Variants in SDK1 observed in about 807,000 individuals in gnomAD.
SDK1 encodes the protein protein sidekick-1.
A neutral mutation model predicts 245.5 loss-of-function variants in SDK1; 157 were observed. The ratio of observed to expected loss-of-function variants is 0.64; its 90% confidence interval spans 0.56 to 0.73. The LOEUF (loss-of-function observed/expected upper bound fraction) is 0.73. Among genes scored for constraint, SDK1 ranks in the 30% least tolerant of loss-of-function variants. The pLI, the probability that SDK1 is intolerant of heterozygous loss-of-function variation, is 0.00. For missense variants in SDK1, 3,583 were observed against 3,002.3 expected (o/e 1.19, Z -4.52); for synonymous variants, 1,647 against 1,278.5 (o/e 1.29, Z -6.15).
intron 1 of SDK1, among the ~76,000 whole-genome samples, chr7:3,332,261 G>A (rs1427091579): frequency 6.6e-6 from 1 of 152,100 alleles, no homozygotes; most frequent in Non-Finnish European, 1.5e-5. Context: ...GATGATTAAT[G>A]TACAGGGCGT....
intron 1 of SDK1, among the ~76,000 whole-genome samples, chr7:3,458,576 G>T (rs1780739054): frequency 6.6e-6 from 1 of 150,438 alleles, no homozygotes; most frequent in African/African-American, 2.5e-5. Flanking sequence ...TAACAGTTGT[G>T]GCAAGAAACA....
At chr7:4,144,594 G>GCA (rs1779826027) in intron 28 of SDK1, among the ~76,000 whole-genome samples, 1 of 152,120 alleles carries the variant, frequency 6.6e-6, no homozygotes, top group Admixed American at 6.5e-5. Context: ...GTGACAAGGC[G>GCA]CAGGAGCTGG....
chr7:4,073,620 C>T (rs1334630760), intron 20 of SDK1, among the ~76,000 whole-genome samples: 1 of 152,162 alleles, frequency 6.6e-6, no homozygotes, highest in Non-Finnish European at 1.5e-5. Flanking sequence ...CTGCTCTTCC[C>T]ATAGGTTCAG....
chr7:4,216,278 C>T (rs1219375326), intron 38 of SDK1, among the ~76,000 whole-genome samples: 1 of 152,186 alleles, frequency 6.6e-6, no homozygotes, highest in Non-Finnish European at 1.5e-5. Flanking sequence ...AAAGCAGCTT[C>T]GTGCACCCCG....
chr7:3,686,070 A>G (rs1784272739), intron 4 of SDK1, among the ~76,000 whole-genome samples: 1 of 96,842 alleles, frequency 1.0e-5, no homozygotes, highest in East Asian at 2.3e-4. Flanking sequence ...ATATGAGGCA[A>G]ACTTTTTTTT....
intron 30 of SDK1, among the ~76,000 whole-genome samples, chr7:4,151,978 A>G (rs908031717): frequency 1.3e-5 from 2 of 152,178 alleles, no homozygotes; most frequent in African/African-American, 4.8e-5. Flanking sequence ...GTGTGTGTGC[A>G]TCTGAACACC....
At position 3,678,515 on chromosome 7, in the gene SDK1, A is replaced by G. The variant is rs547333220; in HGVS notation, c.713+36410A>G. On this transcript the variant is annotated intron_variant, in intron 4 of 44. Coordinates refer to ENST00000404826, the MANE Select transcript of SDK1 (RefSeq NM_152744.4). ...CTAATCATTCACTATGCTAAGTGAA[A>G]CAAGCCAGACATAAAAGAACACCCA... 3.3e-5 allele frequency among the ~76,000 whole-genome samples: 5 copies of G among 152,346 alleles called. No homozygotes were observed. The South Asian group carries it at 1.0e-3, about 32-fold the overall frequency.
At chr7:4,012,378 G>A (rs934867550) in intron 16 of SDK1, 143 bp downstream of exon 16, 2 of 886,160 alleles carry the variant, frequency 2.3e-6, no homozygotes, top group African/African-American at 1.7e-5. Context: ...GGGAGTGGTG[G>A]AGACTGTGGC....
chr7:4,072,284 G>A (rs1218819630), intron 20 of SDK1, among the ~76,000 whole-genome samples: 2 of 152,316 alleles, frequency 1.3e-5, no homozygotes, highest in East Asian at 3.9e-4. Flanking sequence ...GCACCAGGCA[G>A]ACTCTCTGCA....
chr7:3,871,976 C>G (rs1187523718), intron 5 of SDK1, among the ~76,000 whole-genome samples: 2 of 151,972 alleles, frequency 1.3e-5, no homozygotes, highest in African/African-American at 4.8e-5. Context: ...AAGGAAGTTC[C>G]CTTCAATTTC....
At chr7:3,938,370 C>T (rs1036517354) in intron 5 of SDK1, among the ~76,000 whole-genome samples, 3 of 151,522 alleles carry the variant, frequency 2.0e-5, no homozygotes, top group Admixed American at 6.6e-5. Flanking sequence ...CAGCCTGGCA[C>T]GGTGGCTCAT....
Position 4,127,455 on chromosome 7 carries a change from G to A in SDK1, c.3898G>A (p.Val1300Met), listed in dbSNP as rs751445473. The A allele has an allele frequency of 1.4e-5, 22 of 1,614,132 alleles. No individual in the cohort carries two copies. The highest frequency in any genetic ancestry group is 2.2e-5 in the South Asian group (2 of 91,068). Reference sequence around the variant, plus strand: ...CCAGATTTTACTGACATGGACATCCGTGCCGGAACAGGACCAGAATGGGCT... The same window carrying A: ...CCAGATTTTACTGACATGGACATCCATGCCGGAACAGGACCAGAATGGGCT... ...STQILLTWTS[V>M]PEQDQNGLIL... Residue 1300 changes from valine to methionine, a missense_variant, in exon 26 of 45, where the codon GTG (valine) becomes ATG (methionine). Transcript: ENST00000404826.
At chr7:3,974,747 G>A (rs991620715) in intron 13 of SDK1, 18 of 535,768 alleles carry the variant, frequency 3.4e-5, no homozygotes, top group Admixed American at 2.4e-4. Flanking sequence ...GAGAAGTTTC[G>A]TTTTTGGTGT....
At chr7:3,555,149 A>C (rs1478025875) in intron 1 of SDK1, among the ~76,000 whole-genome samples, 1 of 152,158 alleles carries the variant, frequency 6.6e-6, no homozygotes. Context: ...AAAGAACATA[A>C]CTTGAGGAGT....
chr7:3,954,648 T>A (rs1039287467), intron 7 of SDK1, among the ~76,000 whole-genome samples: 1 of 111,286 alleles, frequency 9.0e-6, no homozygotes, highest in African/African-American at 3.5e-5. Context: ...CTCTACACCC[T>A]CCGCTTCCGT....
chr7:3,951,304 G>A (rs923713812), intron 6 of SDK1, among the ~76,000 whole-genome samples: 1 of 152,186 alleles, frequency 6.6e-6, no homozygotes, highest in African/African-American at 2.4e-5. Flanking sequence ...AGGGAAGAGA[G>A]AGGAGTTGAG....
At chr7:3,408,835 G>A (rs761144079) in intron 1 of SDK1, among the ~76,000 whole-genome samples, 2 of 152,140 alleles carry the variant, frequency 1.3e-5, no homozygotes, top group African/African-American at 2.4e-5. Flanking sequence ...TGATAATAAT[G>A]CATTATAAAA....
chr7:3,363,587 G>A (rs1781010208), intron 1 of SDK1, among the ~76,000 whole-genome samples: 1 of 152,134 alleles, frequency 6.6e-6, no homozygotes. Context: ...GTTTTTCCAT[G>A]GACCAAGGGT....
rs149912079 is a variant in SDK1 at position 4,134,709 on chromosome 7, CCTCA to C, written c.4228+2290_4228+2293del. ...GCCTCGGTAGACCCTCCCGGCAAGT[CCTCA>C]CTCTATGGTCACCTCCGTCCACTCA... On this transcript the variant is annotated intron_variant, in intron 28 of 44. Transcript: ENST00000404826. 6.1e-3 allele frequency: 936 copies of C among 152,580 alleles called. 27 individuals carry two copies. The highest frequency in any genetic ancestry group is 0.05 in the East Asian group (258 of 5,194). The allele number at this position is 152,580 out of a possible 1,614,324, so 9.5% of individuals were successfully genotyped here.
Sources: gnomAD v4.1 joint callset for allele counts (sites outside exome capture counted in the v4.1 genomes callset) on GRCh38, gnomAD v4.1.1 for gene constraint, MANE v1.5 for transcripts, NCBI Gene and HGNC (gene_info 2026-07-23, HGNC 2026-07-21) for gene names.